The following NTRK3 variants were observed in gnomAD, a reference collection of about 807,000 sequenced individuals.
NTRK3 encodes neurotrophic receptor tyrosine kinase 3, also known as NT-3 growth factor receptor.
In NTRK3, 24 loss-of-function variants were observed where a neutral mutation model predicts 91.7. The ratio of observed to expected loss-of-function variants is 0.26; its 90% CI spans 0.19 to 0.37. The LOEUF (loss-of-function observed/expected upper bound fraction) is 0.37. NTRK3 is among the 10% of genes least tolerant of loss of function. NTRK3 has a pLI of 1.00. For missense variants in NTRK3, 880 were observed against 1,068.9 expected, an observed-to-expected ratio of 0.82 and a Z score of 2.46; for synonymous variants, 483 against 404.0, an observed-to-expected ratio of 1.20 and a Z score of -2.34.
rs140222708 is a variant in NTRK3, at chr15:87,923,639, G to T, written c.2133+5552C>A. On this transcript the variant is annotated intron_variant, in intron 17 of 18. Coordinates refer to ENST00000394480, the Ensembl canonical transcript of NTRK3. ...ATCTAGGTAAGCCTTGTCCATTTTG[G>T]AATTGGAGAAAGCATTCATATTTTA... Among the ~76,000 whole-genome samples the T allele has an allele frequency of 2.2e-4, 33 of 152,250 alleles. 1 individual carries two copies. In the East Asian group the frequency reaches 5.8e-3, roughly 27 times the overall value.
intron 13 of NTRK3, chr15:88,072,660 C>T (rs569258102): frequency 2.1e-5 from 5 of 232,768 alleles, no homozygotes; most frequent in South Asian, 3.6e-4. Flanking sequence ...TGATGAGACA[C>T]CCTTGGTTTG....
At chr15:87,903,520 A>T (rs1268714734) in intron 17 of NTRK3, among the ~76,000 whole-genome samples, 1 of 152,112 alleles carries the variant, frequency 6.6e-6, no homozygotes, top group African/African-American at 2.4e-5. Flanking sequence ...CTCTGCTCTG[A>T]GACACTATAT....
intron 6 of NTRK3, among the ~76,000 whole-genome samples, chr15:88,146,359 T>C (rs1195388337): frequency 6.6e-6 from 1 of 152,156 alleles, no homozygotes; most frequent in Non-Finnish European, 1.5e-5. Flanking sequence ...TCCAAGGTCA[T>C]TGCCTCTTGG....
At chr15:88,227,021 G>A (rs181723965) in intron 3 of NTRK3, among the ~76,000 whole-genome samples, 2 of 152,180 alleles carry the variant, frequency 1.3e-5, no homozygotes, top group Non-Finnish European at 2.9e-5. Context: ...CAGAGATAGA[G>A]GATGCTCTTC....
intron 14 of NTRK3, among the ~76,000 whole-genome samples, chr15:87,980,512 AAT>A (rs1016246614): frequency 2.6e-5 from 4 of 152,242 alleles, no homozygotes; most frequent in East Asian, 1.9e-4. Context: ...TGTATGTGCG[AAT>A]ATATGTGTGT....
intron 5 of NTRK3, among the ~76,000 whole-genome samples, chr15:88,158,733 C>G (rs541057058): frequency 1.3e-5 from 2 of 152,306 alleles, no homozygotes; most frequent in East Asian, 3.9e-4. Flanking sequence ...CAGGTGGGCG[C>G]TGCCAGGCAG....
At chr15:88,157,919 G>A (rs1209212877) in intron 5 of NTRK3, among the ~76,000 whole-genome samples, 2 of 152,166 alleles carry the variant, frequency 1.3e-5, no homozygotes, top group Non-Finnish European at 2.9e-5. Flanking sequence ...GGGCAGCTGA[G>A]GGATCCTCCC....
chr15:88,086,678 T>C (rs1239800661), intron 13 of NTRK3, among the ~76,000 whole-genome samples: 2 of 152,164 alleles, frequency 1.3e-5, no homozygotes, highest in Non-Finnish European at 2.9e-5. Context: ...CCCAGACCAA[T>C]AAAATCAGAA....
At chr15:88,044,447 G>A (rs896078145) in intron 13 of NTRK3, among the ~76,000 whole-genome samples, 1 of 151,550 alleles carries the variant, frequency 6.6e-6, no homozygotes, top group Admixed American at 6.6e-5. Context: ...ATTTTTAGTA[G>A]AGACAGGGTT....
At chr15:88,214,857 G>A (rs1290391495) in intron 3 of NTRK3, among the ~76,000 whole-genome samples, 5 of 152,162 alleles carry the variant, frequency 3.3e-5, no homozygotes, top group Non-Finnish European at 7.3e-5. Context: ...AGCCCCTGAA[G>A]TGCAGGGCTG....
intron 17 of NTRK3, chr15:87,928,921 C>T: frequency 1.7e-6 from 1 of 592,178 alleles, no homozygotes; most frequent in Non-Finnish European, 3.0e-6. Flanking sequence ...AGTATTGAAG[C>T]ACGTAAGAAC....
intron 14 of NTRK3, among the ~76,000 whole-genome samples, chr15:87,959,175 T>C (rs1055637039): frequency 1.3e-5 from 2 of 152,314 alleles, no homozygotes; most frequent in South Asian, 2.1e-4. Context: ...TCAGTTCTCA[T>C]GGCTCGAACT....
chr15:87,967,700 C>G (rs775057039), intron 14 of NTRK3, among the ~76,000 whole-genome samples: 5 of 152,182 alleles, frequency 3.3e-5, no homozygotes, highest in Admixed American at 1.3e-4. Flanking sequence ...TGACATCAAG[C>G]CCATGTTCTT....
intron 13 of NTRK3, among the ~76,000 whole-genome samples, chr15:88,104,544 C>T (rs538290357): frequency 4.7e-4 from 72 of 152,292 alleles, no homozygotes; most frequent in African/African-American, 1.2e-3. Flanking sequence ...GTGAGTTGCC[C>T]TTGACAGCCT....
intron 14 of NTRK3, among the ~76,000 whole-genome samples, chr15:88,026,092 A>T (rs2078014087): frequency 6.6e-6 from 1 of 152,188 alleles, no homozygotes; most frequent in Non-Finnish European, 1.5e-5. Flanking sequence ...TAACACGGTG[A>T]AACCCCTTCT....
At position 87,939,677 on chromosome 15, in the gene NTRK3, C is replaced by T. The variant is rs941698203; in HGVS notation, c.1716+946G>A. Among the ~76,000 whole-genome samples the T allele has an allele frequency of 8.5e-5, 13 of 152,284 alleles. No homozygotes were observed. The East Asian group carries it at 1.7e-3, about 20-fold the overall frequency. On this transcript the variant is annotated intron_variant, in intron 15 of 18. Coordinates refer to ENST00000394480, the Ensembl canonical transcript of NTRK3. The stretch of plus-strand genomic sequence containing the variant: ...TCACGGGGAGCCATATCTCTGGCAT[C>T]GGTCAGCCCACATCTCAGGACATTG...
chr15:87,896,393 C>A (rs569274846), intron 17 of NTRK3, among the ~76,000 whole-genome samples: 2 of 151,536 alleles, frequency 1.3e-5, no homozygotes, highest in African/African-American at 4.8e-5. Context: ...ATTGCTTGAA[C>A]CTGAGAGGCA....
At chr15:88,158,488 C>T (rs950041172) in intron 5 of NTRK3, among the ~76,000 whole-genome samples, 6 of 152,180 alleles carry the variant, frequency 3.9e-5, no homozygotes, top group African/African-American at 1.2e-4. Context: ...AGGGAAAATG[C>T]GGTCCTCACC....
chr15:88,107,389 G>A (rs1239906981), intron 13 of NTRK3, among the ~76,000 whole-genome samples: 1 of 152,222 alleles, frequency 6.6e-6, no homozygotes, highest in Non-Finnish European at 1.5e-5. Flanking sequence ...GCTACAAAGA[G>A]CTGTGATCAC....
Sources: gnomAD v4.1 joint callset for allele counts (sites outside exome capture counted in the v4.1 genomes callset) on GRCh38, gnomAD v4.1.1 for gene constraint, MANE v1.5 for transcripts, NCBI Gene and HGNC (gene_info 2026-07-23, HGNC 2026-07-21) for gene names.